Variants in TRPM6 observed in about 807,000 individuals in gnomAD.
TRPM6 encodes channel kinase 2.
In TRPM6, 111 loss-of-function variants were observed where a neutral mutation model predicts 247.6. The ratio of observed to expected loss-of-function variants is 0.45; its 90% CI spans 0.38 to 0.52. The LOEUF (loss-of-function observed/expected upper bound fraction) is 0.52, where lower values mean the gene tolerates loss of function less well. Ranked by LOEUF, TRPM6 falls within the 20% of genes least tolerant of loss-of-function variation. The pLI, the probability that TRPM6 is intolerant of heterozygous loss-of-function variation, is 0.00. For synonymous variants in TRPM6, 892 were observed against 853.8 expected, an observed-to-expected ratio of 1.04 and a Z score of -0.78; for missense variants, 2,126 against 2,421.5, an observed-to-expected ratio of 0.88 and a Z score of 2.56.
chr9:74,762,591 A>G lies in TRPM6; in HGVS notation c.4080T>C (p.Thr1360=). ...CAGAGGGTCTGGACAGAGGCAAGAC[A>G]GTTTCTGCTGAAAAAGGAACTCGCT... ...NLKRVPFSAE[T]VLPLSRPSVP... Residue 1360 remains threonine (T), a synonymous_variant, in exon 26 of 39, where the codon ACT becomes ACC. Transcript: ENST00000360774. 1 of 1,614,204 alleles carries G rather than the reference A, an allele frequency of 6.2e-7. No individual in the cohort carries two copies. The highest frequency in any genetic ancestry group is 8.5e-7 in the Non-Finnish European group (1 of 1,180,032).
chr9:74,866,514 T>C (rs1159273351), intron 1 of TRPM6, among the ~76,000 whole-genome samples: 3 of 152,102 alleles, frequency 2.0e-5, no homozygotes, highest in African/African-American at 7.2e-5. Context: ...AGAGTTTCAC[T>C]CTTGTTGCCC....
intron 23 of TRPM6, among the ~76,000 whole-genome samples, chr9:74,781,495 C>A (rs1218520048): frequency 8.0e-6 from 1 of 124,466 alleles, no homozygotes; most frequent in South Asian, 2.7e-4. Flanking sequence ...GGGGTCACAC[C>A]AACTGCACTC....
At chr9:74,829,948 G>C (rs1230342659) in intron 6 of TRPM6, among the ~76,000 whole-genome samples, 2 of 151,938 alleles carry the variant, frequency 1.3e-5, no homozygotes, top group Admixed American at 6.6e-5. Flanking sequence ...AACACAGCAA[G>C]GCCCCATCTC....
chr9:74,755,095 C>G (rs569403520), intron 28 of TRPM6, among the ~76,000 whole-genome samples: 7 of 152,306 alleles, frequency 4.6e-5, no homozygotes, highest in African/African-American at 1.4e-4. Flanking sequence ...CACTCTGAGT[C>G]AGGTTCAACA....
At chr9:74,797,001 C>CA (rs1828121984) in intron 17 of TRPM6, 108 bp from the exon 18 acceptor site, 1 of 999,434 alleles carries the variant, frequency 1.0e-6, no homozygotes, top group African/African-American at 1.6e-5. Context: ...AGACCCATCC[C>CA]AGTCAATTTT....
chr9:74,800,367 T>G lies in TRPM6; in HGVS notation c.2125A>C (p.Lys709Gln). The change falls in exon 17 of 39, where the codon AAA (lysine) becomes CAA (glutamine). Residue 709 changes from lysine (K) to glutamine (Q), a missense_variant. By Grantham distance (53) the Lys-to-Gln change is moderately conservative. Around this residue, in one of 3 missense-constraint regions of TRPM6, gnomAD observed 1,082 missense variants for 1,307.9 expected, o/e 0.83. Transcript: ENST00000360774. ...LRNWSNSTCL[K>Q]LAVSGGLRPF... is the part of the protein sequence containing the mutation. ...CGTAATCCTCCCGACACGGCCAGTTTAAGGCAGGTCGAATTGCTCCAGTTC... is the reference window on the plus strand; with the variant it reads ...CGTAATCCTCCCGACACGGCCAGTTGAAGGCAGGTCGAATTGCTCCAGTTC... 2 of 1,614,098 alleles carry G rather than the reference T, an allele frequency of 1.2e-6. No individual in the cohort carries two copies. Among genetic ancestry groups the G allele is most frequent in the Non-Finnish European group, 1.7e-6 (2 of 1,180,004 alleles).
chr9:74,867,465 T>G (rs1830883102), intron 1 of TRPM6, among the ~76,000 whole-genome samples: 1 of 152,198 alleles, frequency 6.6e-6, no homozygotes, highest in Non-Finnish European at 1.5e-5. Context: ...ATGCATATCT[T>G]AGTCTGCATA....
chr9:74,751,765 T>A (rs2118791772), intron 29 of TRPM6, among the ~76,000 whole-genome samples: 1 of 152,314 alleles, frequency 6.6e-6, no homozygotes, highest in South Asian at 2.1e-4. Context: ...CAAAGAGGTT[T>A]GTTCAGCCTA....
Position 74,868,233 on chromosome 9 carries a change from G to A in TRPM6, c.34-9485C>T, listed in dbSNP as rs184509913. On this transcript the variant is annotated intron_variant, in intron 1 of 38. Transcript: ENST00000360774. Reference sequence around the variant, plus strand: ...TGTCCCGCCGGGTGTGGTGGCTCACGCCTGTAATCCCAACACTTAGGGAGG... The same window carrying A: ...TGTCCCGCCGGGTGTGGTGGCTCACACCTGTAATCCCAACACTTAGGGAGG... Among the ~76,000 whole-genome samples the A allele has an allele frequency of 3.8e-3, 575 of 151,428 alleles. 4 individuals carry two copies. Among genetic ancestry groups the A allele is most frequent in the African/African-American group, 0.013 (528 of 41,262 alleles).
At chr9:74,766,703 G>T (rs938807496) in intron 25 of TRPM6, among the ~76,000 whole-genome samples, 4 of 151,890 alleles carry the variant, frequency 2.6e-5, no homozygotes, top group Non-Finnish European at 5.9e-5. Flanking sequence ...CTAAGGTCAG[G>T]AGTTCAAGAC....
intron 14 of TRPM6, chr9:74,804,507 G>A: frequency 1.4e-6 from 1 of 707,640 alleles, no homozygotes; most frequent in Non-Finnish European, 2.6e-6. Flanking sequence ...CAGAGATCCT[G>A]AAGAGATTGA....
chr9:74,794,053 C>T (rs1828002687), intron 18 of TRPM6, among the ~76,000 whole-genome samples: 1 of 151,862 alleles, frequency 6.6e-6, no homozygotes, highest in Admixed American at 6.6e-5. Flanking sequence ...AGAAAAGAAG[C>T]ATTTATAGCC....
chr9:74,766,029 T>C (rs560709457), intron 25 of TRPM6, among the ~76,000 whole-genome samples: 8 of 152,320 alleles, frequency 5.3e-5, no homozygotes, highest in Non-Finnish European at 7.3e-5. Context: ...CTCTTCCAAA[T>C]ATGCTTAATT....
At chr9:74,764,978 A>C (rs1826779391) in intron 25 of TRPM6, among the ~76,000 whole-genome samples, 1 of 152,224 alleles carries the variant, frequency 6.6e-6, no homozygotes, top group Non-Finnish European at 1.5e-5. Context: ...TAATGAGTTC[A>C]TCTATATCAT....
At chr9:74,757,437 A>G (rs1198859063) in intron 27 of TRPM6, among the ~76,000 whole-genome samples, 1 of 151,662 alleles carries the variant, frequency 6.6e-6, no homozygotes, top group Non-Finnish European at 1.5e-5. Flanking sequence ...GGGGTGGCAC[A>G]GGCCTGTAAT....
chr9:74,773,269 C>G (rs913853610), intron 24 of TRPM6, among the ~76,000 whole-genome samples: 6 of 152,144 alleles, frequency 3.9e-5, no homozygotes, highest in Middle Eastern at 3.2e-3. Flanking sequence ...CAGTAAATAA[C>G]CAATAGGTTA....
intron 1 of TRPM6, chr9:74,875,262 G>T (rs1435928017): frequency 8.8e-6 from 4 of 455,252 alleles, no homozygotes; most frequent in Non-Finnish European, 1.3e-5. Flanking sequence ...TTGAAGGAGG[G>T]CTGGGTGTGG....
chr9:74,815,973 T>G, intron 11 of TRPM6, among the ~76,000 whole-genome samples: 1 of 152,214 alleles, frequency 6.6e-6, no homozygotes, highest in East Asian at 1.9e-4. Flanking sequence ...TTTCACTAAT[T>G]TCTAATGTGA....
chr9:74,775,300 G>A (rs2118895227), intron 24 of TRPM6, among the ~76,000 whole-genome samples: 1 of 152,214 alleles, frequency 6.6e-6, no homozygotes, highest in East Asian at 1.9e-4. Context: ...AGCAATTCTT[G>A]TGCCTCAACC....
Sources: gnomAD v4.1 joint callset for allele counts (sites outside exome capture counted in the v4.1 genomes callset) on GRCh38, gnomAD v4.1.1 for gene constraint, gnomAD v4.1.1 regional missense constraint, MANE v1.5 for transcripts, NCBI Gene and HGNC (gene_info 2026-07-23, HGNC 2026-07-21) for gene names.